Variants in IGSF21 observed in about 807,000 individuals in gnomAD.
IGSF21 encodes immunoglobulin superfamily member 21.
A neutral mutation model predicts 46.8 loss-of-function variants in IGSF21; 28 were observed. That is an observed-to-expected ratio of 0.60 (90% CI 0.44 to 0.82). The LOEUF is 0.82. Among genes scored for constraint, IGSF21 ranks in the 40% least tolerant of loss-of-function variants. The pLI, the probability that IGSF21 is intolerant of heterozygous loss-of-function variation, is 0.00. For synonymous variants in IGSF21, 284 were observed against 273.6 expected (o/e 1.04, Z -0.38); for missense variants, 624 against 665.5 (o/e 0.94, Z 0.69).
chr1:18,208,689 G>T (rs2084360052), intron 1 of IGSF21, among the ~76,000 whole-genome samples: 1 of 150,956 alleles, frequency 6.6e-6, no homozygotes, highest in South Asian at 2.1e-4. Context: ...GAGCCACCGT[G>T]CCCGGCCCAG....
intron 3 of IGSF21, among the ~76,000 whole-genome samples, chr1:18,314,466 G>T (rs2085520785): frequency 6.6e-6 from 1 of 152,188 alleles, no homozygotes; most frequent in South Asian, 2.1e-4. Context: ...AATGATAATG[G>T]TGCTACTTTA....
intron 2 of IGSF21, among the ~76,000 whole-genome samples, chr1:18,273,774 A>G (rs1424500659): frequency 6.6e-6 from 1 of 152,026 alleles, no homozygotes; most frequent in Non-Finnish European, 1.5e-5. Flanking sequence ...TCCCAAAGGA[A>G]ATAAACCAGG....
chr1:18,185,549 G>A lies in IGSF21; in HGVS notation c.71-42349G>A, dbSNP rs1004818518. Among the ~76,000 whole-genome samples the A allele has an allele frequency of 5.3e-5, 8 of 152,172 alleles. 1 individual carries two copies. The highest frequency in any genetic ancestry group is 1.2e-4 in the Non-Finnish European group (8 of 68,044). Reference sequence around the variant, plus strand: ...GTTGTGCAGCCTATAGACAGCTGGGGTATTGTTACACTGGGCAGATCTGAG... The same window carrying A: ...GTTGTGCAGCCTATAGACAGCTGGGATATTGTTACACTGGGCAGATCTGAG... On this transcript the variant is annotated intron_variant, in intron 1 of 9. Transcript: ENST00000251296.
chr1:18,239,765 G>A (rs953404042), intron 2 of IGSF21, among the ~76,000 whole-genome samples: 18 of 137,674 alleles, frequency 1.3e-4, no homozygotes, highest in Admixed American at 2.3e-4. Flanking sequence ...CCCCCTCCCC[G>A]CCACCAGAGG....
At chr1:18,276,998 A>T (rs1458496377) in intron 2 of IGSF21, among the ~76,000 whole-genome samples, 1 of 152,166 alleles carries the variant, frequency 6.6e-6, no homozygotes, top group African/African-American at 2.4e-5. Flanking sequence ...AAATGTGTAG[A>T]CCTTTTCTGA....
intron 4 of IGSF21, among the ~76,000 whole-genome samples, chr1:18,354,593 AC>A (rs1321234892): frequency 6.6e-6 from 1 of 152,156 alleles, no homozygotes. Context: ...TTTTTTGCAA[AC>A]AATATAATTT....
chr1:18,212,335 G>C (rs1382632999), intron 1 of IGSF21, among the ~76,000 whole-genome samples: 3 of 152,224 alleles, frequency 2.0e-5, no homozygotes, highest in African/African-American at 7.2e-5. Context: ...CCCCAGGTCT[G>C]TCTGATTCCC....
At chr1:18,349,704 C>A (rs1251054578) in intron 4 of IGSF21, among the ~76,000 whole-genome samples, 1 of 152,130 alleles carries the variant, frequency 6.6e-6, no homozygotes, top group African/African-American at 2.4e-5. Flanking sequence ...GGTCTACATA[C>A]TTTACGTAGT....
rs568276753 is a variant in IGSF21, at chr1:18,117,116, G to C, written c.70+8918G>C. On this transcript the variant is annotated intron_variant, in intron 1 of 9. Transcript: ENST00000251296. ...TAGGAAGATTAATTTGGCTTTTCTG[G>C]GCCACCTGAAGCTGGAAGCTCTTTT... is the stretch of plus-strand genomic sequence containing the variant. Among the ~76,000 whole-genome samples the C allele has an allele frequency of 7.2e-5, 11 of 152,298 alleles. No homozygotes were observed. The South Asian group carries it at 1.2e-3, about 17-fold the overall frequency.
chr1:18,371,342 C>A (rs1355046503), intron 6 of IGSF21, among the ~76,000 whole-genome samples: 1 of 152,160 alleles, frequency 6.6e-6, no homozygotes. Context: ...GAGGCCGAGG[C>A]AGGTGGATCA....
intron 2 of IGSF21, among the ~76,000 whole-genome samples, chr1:18,259,502 G>A (rs1207560852): frequency 6.6e-6 from 1 of 152,208 alleles, no homozygotes; most frequent in African/African-American, 2.4e-5. Context: ...CCTCCATAAA[G>A]TTCCTGTTGG....
intron 4 of IGSF21, among the ~76,000 whole-genome samples, chr1:18,345,741 G>A (rs891328954): frequency 4.0e-5 from 6 of 148,928 alleles, no homozygotes; most frequent in Non-Finnish European, 7.4e-5. Context: ...CTTAACACCT[G>A]CTATATCATT....
At chr1:18,317,025 C>T (rs1379728719) in intron 3 of IGSF21, among the ~76,000 whole-genome samples, 1 of 152,184 alleles carries the variant, frequency 6.6e-6, no homozygotes, top group Admixed American at 6.5e-5. Flanking sequence ...CGACATCTCT[C>T]TCTAACACTC....
intron 1 of IGSF21, among the ~76,000 whole-genome samples, chr1:18,189,294 T>C (rs757613175): frequency 3.9e-5 from 6 of 152,178 alleles, no homozygotes; most frequent in Non-Finnish European, 8.8e-5. Context: ...GAGAGATGGC[T>C]TAGTGTCATC....
intron 5 of IGSF21, among the ~76,000 whole-genome samples, chr1:18,364,003 G>T (rs1214499849): frequency 2.0e-5 from 3 of 152,060 alleles, no homozygotes; most frequent in African/African-American, 7.2e-5. Context: ...CAGGAAAGCT[G>T]TTTTTTTCTC....
At chr1:18,240,013 C>A (rs1011649274) in intron 2 of IGSF21, among the ~76,000 whole-genome samples, 1 of 152,216 alleles carries the variant, frequency 6.6e-6, no homozygotes, top group Non-Finnish European at 1.5e-5. Flanking sequence ...GGCTGTGGCT[C>A]ATGCCTGTAA....
intron 2 of IGSF21, among the ~76,000 whole-genome samples, chr1:18,273,468 CTTTCTTTCTT>C (rs2085068707): frequency 8.8e-5 from 2 of 22,672 alleles, no homozygotes; most frequent in Admixed American, 8.6e-4. Flanking sequence ...CTCTCTCTTT[CTTTCTTTCTT>C]TCTTTCTTTC....
At chr1:18,219,533 A>T (rs911069721) in intron 1 of IGSF21, among the ~76,000 whole-genome samples, 10 of 136,862 alleles carry the variant, frequency 7.3e-5, no homozygotes, top group Admixed American at 1.4e-4. Flanking sequence ...GGCCAGGTGC[A>T]GAGAGATAGC....
At chr1:18,201,916 A>G (rs1248045058) in intron 1 of IGSF21, among the ~76,000 whole-genome samples, 1 of 152,130 alleles carries the variant, frequency 6.6e-6, no homozygotes, top group African/African-American at 2.4e-5. Flanking sequence ...ACCCATCTGA[A>G]AATAAGTTAG....
Sources: allele counts gnomAD v4.1 joint callset (sites outside exome capture counted in the v4.1 genomes callset), GRCh38; gene constraint gnomAD v4.1.1; transcripts MANE v1.5; gene names NCBI Gene and HGNC (gene_info 2026-07-23, HGNC 2026-07-21).